The following KLHDC10 variants were observed in gnomAD, a reference collection of about 807,000 sequenced individuals.
KLHDC10 encodes kelch domain-containing protein 10.
A neutral mutation model predicts 56.1 loss-of-function variants in KLHDC10; 24 were observed. The observed-to-expected ratio is 0.43, with a 90% CI of 0.31 to 0.60. The LOEUF is 0.60. Among genes scored for constraint, KLHDC10 ranks in the 20% least tolerant of loss-of-function variants. The pLI is 0.11. For synonymous variants in KLHDC10, 188 were observed against 207.1 expected, an observed-to-expected ratio of 0.91 and a Z score of 0.79; for missense variants, 349 against 567.0, an observed-to-expected ratio of 0.62 and a Z score of 3.91.
In KLHDC10 at chr7:130,120,999, T is replaced by C. The variant is rs1796240817; in HGVS notation, c.630+96T>C. On this transcript the variant is annotated intron_variant, in intron 4 of 9. Coordinates refer to ENST00000335420, the MANE Select transcript of KLHDC10 (RefSeq NM_014997.4). The surrounding 1 kb of genome is among the most constrained non-coding windows in gnomAD (Gnocchi z 5.1). ...TGTAATTGTTACCATTTTATTTTAA[T>C]GGAGAAGAGTTCTTTGTGGTTAGTA... The C allele has an allele frequency of 6.5e-6, 8 of 1,222,854 alleles. No homozygotes were observed. The highest frequency in any genetic ancestry group is 8.0e-6 in the Non-Finnish European group (7 of 878,474). The allele number at this position is 1,222,854 out of a possible 1,614,324, so 75.8% of individuals were successfully genotyped here. A position where few individuals can be genotyped will look rare whatever the true frequency, so the allele number is the denominator to read the frequency against.
Position 130,133,969 on chromosome 7 carries a change from C to T in KLHDC10, c.*3223C>T, listed in dbSNP as rs1271100546. 1 of 152,118 alleles carries T rather than the reference C, an allele frequency of 6.6e-6. No individual in the cohort carries two copies. The highest frequency in any genetic ancestry group is 1.5e-5 in the Non-Finnish European group (1 of 68,018). The allele number at this position is 152,118 out of a possible 1,614,324, so 9.4% of individuals were successfully genotyped here. On this transcript the variant is annotated 3_prime_UTR_variant, in exon 10 of 10. Transcript: ENST00000335420. ...CATAATGACATGATGTAAAAATTTG[C>T]TTTAAACCATTCATGCCCTTAAATA...
chr7:130,124,944 T>C (rs1796295293), intron 6 of KLHDC10, among the ~76,000 whole-genome samples: 1 of 152,146 alleles, frequency 6.6e-6, no homozygotes, highest in African/African-American at 2.4e-5. Flanking sequence ...AAAGCTGAGC[T>C]CTAAAGGGCT....
At chr7:130,084,089 T>G (rs565201704) in intron 1 of KLHDC10, among the ~76,000 whole-genome samples, 2 of 152,340 alleles carry the variant, frequency 1.3e-5, no homozygotes, top group South Asian at 4.1e-4. Context: ...AGCCCAAATC[T>G]CTTTTGAGGG....
chr7:130,127,486 T>G (rs746859224), intron 8 of KLHDC10, 35 bp downstream of exon 8: 13 of 1,430,666 alleles, frequency 9.1e-6, no homozygotes, highest in Non-Finnish European at 1.2e-5. Context: ...CTTCCATTTC[T>G]GTAATTGTAT....
chr7:130,109,245 T>A (rs1454684035), intron 2 of KLHDC10, among the ~76,000 whole-genome samples: 1 of 151,696 alleles, frequency 6.6e-6, no homozygotes, highest in Non-Finnish European at 1.5e-5. Context: ...AAAATTTAAT[T>A]TTTTTTAGAG....
chr7:130,082,719 G>A (rs150795323), intron 1 of KLHDC10, among the ~76,000 whole-genome samples: 91 of 152,270 alleles, frequency 6.0e-4, no homozygotes, highest in African/African-American at 2.2e-3. Flanking sequence ...GTCTTTTGCA[G>A]TCTCACTTCT....
At chr7:130,128,724 G>C (rs528738038) in intron 8 of KLHDC10, among the ~76,000 whole-genome samples, 74 of 151,286 alleles carry the variant, frequency 4.9e-4, no homozygotes, top group African/African-American at 1.7e-3. Flanking sequence ...AATGTGTTTT[G>C]TTTGGCTCAT....
chr7:130,125,005 C>G (rs1309267876), intron 6 of KLHDC10, among the ~76,000 whole-genome samples: 1 of 152,222 alleles, frequency 6.6e-6, no homozygotes, highest in Admixed American at 6.5e-5. Flanking sequence ...TCACACATCC[C>G]AGGGGAACCT....
chr7:130,077,977 C>T (rs1320598576), intron 1 of KLHDC10, among the ~76,000 whole-genome samples: 1 of 152,076 alleles, frequency 6.6e-6, no homozygotes, highest in East Asian at 1.9e-4. Context: ...ATAATAGTTT[C>T]CCAGTTGTTT....
intron 6 of KLHDC10, 79 bp from the exon 7 acceptor site, chr7:130,125,786 T>G: frequency 8.7e-7 from 1 of 1,150,430 alleles, no homozygotes; most frequent in Non-Finnish European, 1.2e-6. Context: ...ACAAAGTCTA[T>G]TTTTTAAAAA....
chr7:130,076,394 A>G (rs752916499), intron 1 of KLHDC10, among the ~76,000 whole-genome samples: 11 of 151,956 alleles, frequency 7.2e-5, no homozygotes, highest in Non-Finnish European at 1.5e-4. Flanking sequence ...TATTTTTCAC[A>G]GTTTTTCATT....
At chr7:130,112,062 A>G (rs1334094548) in intron 2 of KLHDC10, among the ~76,000 whole-genome samples, 4 of 152,190 alleles carry the variant, frequency 2.6e-5, no homozygotes, top group African/African-American at 9.6e-5. Context: ...TATTTTTTCT[A>G]TAAAAATTTT....
At chr7:130,074,878 G>A (rs1483385150) in intron 1 of KLHDC10, among the ~76,000 whole-genome samples, 3 of 151,962 alleles carry the variant, frequency 2.0e-5, no homozygotes, top group Admixed American at 2.0e-4. Flanking sequence ...TAAAGTGTTG[G>A]GATTACAGGC....
intron 2 of KLHDC10, among the ~76,000 whole-genome samples, chr7:130,106,438 G>A (rs900131820): frequency 2.0e-5 from 3 of 152,096 alleles, no homozygotes; most frequent in South Asian, 4.1e-4. Flanking sequence ...AAAATAAAGC[G>A]AGAAAGAGCG....
chr7:130,090,503 G>A (rs1278896261), intron 1 of KLHDC10, among the ~76,000 whole-genome samples: 7 of 151,628 alleles, frequency 4.6e-5, no homozygotes, highest in Admixed American at 2.0e-4. Context: ...TAGGAGGATC[G>A]CCTGAGCCCA....
chr7:130,122,324 G>T, intron 5 of KLHDC10, 122 bp downstream of exon 5: 1 of 882,870 alleles, frequency 1.1e-6, no homozygotes. Context: ...GCTGTTGGAT[G>T]TTAGATCTCA....
At chr7:130,118,489 A>G (rs180818289) in intron 3 of KLHDC10, among the ~76,000 whole-genome samples, 6 of 152,348 alleles carry the variant, frequency 3.9e-5, no homozygotes, top group African/African-American at 1.2e-4. Flanking sequence ...AACTTTCTGC[A>G]TATCAGCAAT....
chr7:130,098,450 GC>G (rs1795881922), intron 2 of KLHDC10, among the ~76,000 whole-genome samples: 1 of 152,066 alleles, frequency 6.6e-6, no homozygotes, highest in Non-Finnish European at 1.5e-5. Flanking sequence ...CCATGATTGT[GC>G]CACTGCATTC....
chr7:130,087,292 T>C (rs961377667), intron 1 of KLHDC10, among the ~76,000 whole-genome samples: 3 of 152,238 alleles, frequency 2.0e-5, no homozygotes, highest in African/African-American at 7.2e-5. Context: ...ATTCTCTATA[T>C]TTAAACAAGA....
Sources: allele counts gnomAD v4.1 joint callset (sites outside exome capture counted in the v4.1 genomes callset), GRCh38; gene constraint gnomAD v4.1.1; non-coding constraint Gnocchi (gnomAD v3.1); transcripts MANE v1.5; gene names NCBI Gene and HGNC (gene_info 2026-07-23, HGNC 2026-07-21).